ZNF774: variants seen among roughly 807,000 people sequenced by gnomAD.
ZNF774 encodes zinc finger protein 774.
A neutral mutation model predicts 11.1 loss-of-function variants in ZNF774; 14 were observed. The observed-to-expected ratio is 1.26, with a 90% CI of 0.83 to 1.97. The LOEUF is 1.97. ZNF774 is among the 30% of genes most tolerant of loss of function. The pLI, the probability that ZNF774 is intolerant of heterozygous loss-of-function variation, is 0.00. For synonymous variants in ZNF774, 195 were observed against 212.6 expected (o/e 0.92, Z 0.72); for missense variants, 599 against 587.0 (o/e 1.02, Z -0.21).
In ZNF774 at chr15:90,362,609, T is replaced by G. The variant is rs1356762992; in HGVS notation, c.*1326T>G. 2.0e-6 allele frequency: 3 copies of G among 1,533,386 alleles called. No individual in the cohort carries two copies. The East Asian group carries it at 7.3e-5, about 37-fold the overall frequency. The allele number at this position is 1,533,386 out of a possible 1,614,324, so 95.0% of individuals were successfully genotyped here. A position where few individuals can be genotyped will look rare whatever the true frequency, so the allele number is the denominator to read the frequency against. ...TTGAAATAAATTGAGGGACGGCAAG[T>G]GTGTTGGAAAGAACACCGACTTCAT... On this transcript the variant is annotated 3_prime_UTR_variant, in exon 4 of 4. Transcript: ENST00000354377.
At position 90,361,994 on chromosome 15, in the gene ZNF774, C is replaced by G. The variant is rs1417323087; in HGVS notation, c.*711C>G. Reference sequence around the variant, plus strand: ...TTATATAAAGGCTTTAATGCAGTACCTGGCCCTTAAAAGACACTCAGTACA... The same window carrying G: ...TTATATAAAGGCTTTAATGCAGTACGTGGCCCTTAAAAGACACTCAGTACA... On this transcript the variant is annotated 3_prime_UTR_variant, in exon 4 of 4. Coordinates refer to ENST00000354377, the MANE Select transcript of ZNF774 (RefSeq NM_001004309.3). The G allele has an allele frequency of 6.4e-6, 1 of 155,418 alleles. No individual in the cohort carries two copies. Among genetic ancestry groups the G allele is most frequent in the Non-Finnish European group, 1.4e-5 (1 of 69,948 alleles). The allele number at this position is 155,418 out of a possible 1,614,324, so 9.6% of individuals were successfully genotyped here.
In ZNF774 at chr15:90,362,705, C is replaced by G; in HGVS notation, c.*1422C>G. ...CCAGACTTTCATCTTCTCCCAGCCT[C>G]AAGTTTTACCTACCTCACAAGGTTG... On this transcript the variant is annotated 3_prime_UTR_variant, in exon 4 of 4. Transcript: ENST00000354377. 3.7e-6 allele frequency: 3 copies of G among 812,898 alleles called. No homozygotes were observed. The highest frequency in any genetic ancestry group is 6.1e-6 in the Non-Finnish European group (3 of 493,600). The allele number at this position is 812,898 out of a possible 1,614,324, so 50.4% of individuals were successfully genotyped here.
In ZNF774 at chr15:90,360,592, A is replaced by G; in HGVS notation, c.761A>G (p.Gln254Arg). 1 of 1,612,990 alleles carries G rather than the reference A, an allele frequency of 6.2e-7. No homozygotes were observed. The highest frequency in any genetic ancestry group is 8.5e-7 in the Non-Finnish European group (1 of 1,179,706). The change falls in exon 4 of 4, where the codon CAA becomes CGA. Residue 254 changes from glutamine to arginine, a missense_variant. Gln to Arg is a conservative substitution (Grantham distance 43). Coordinates refer to ENST00000354377, the MANE Select transcript of ZNF774 (RefSeq NM_001004309.3). ...FGRKPHLIMHQRTHTGEKPYA... is the reference protein window; with the variant it reads ...FGRKPHLIMHRRTHTGEKPYA... ...CGGAAGCCACACCTCATAATGCACCAAAGAACCCACACAGGCGAGAAGCCC... is the reference window on the plus strand; with the variant it reads ...CGGAAGCCACACCTCATAATGCACCGAAGAACCCACACAGGCGAGAAGCCC...
intron 2 of ZNF774, among the ~76,000 whole-genome samples, chr15:90,355,675 A>G (rs78560305): frequency 0.23 from 32,411 of 139,398 alleles, 4,018 homozygotes; most frequent in African/African-American, 0.34. Flanking sequence ...GTGAGCTGAG[A>G]CCACGCCATT....
At chr15:90,353,688 T>C (rs1366704224) in intron 1 of ZNF774, among the ~76,000 whole-genome samples, 1 of 151,794 alleles carries the variant, frequency 6.6e-6, no homozygotes, top group Non-Finnish European at 1.5e-5. Context: ...CTGGAACTCC[T>C]GGGCTGAAGT....
Position 90,361,101 on chromosome 15 carries a change from A to G in ZNF774, c.1270A>G (p.Ile424Val), listed in dbSNP as rs1180860797. 2 of 1,614,196 alleles carry G rather than the reference A, an allele frequency of 1.2e-6. No individual in the cohort carries two copies. Among genetic ancestry groups the G allele is most frequent in the East Asian group, 4.5e-5 (2 of 44,880 alleles). The change falls in exon 4 of 4, where the codon ATC (isoleucine) becomes GTC (valine). Residue 424 changes from isoleucine (I) to valine (V), a missense_variant. By Grantham distance (29) the Ile-to-Val change is conservative. Coordinates refer to ENST00000354377, the MANE Select transcript of ZNF774 (RefSeq NM_001004309.3). ...QSSHFITHQR[I>V]HLGDRPYRCP... is the part of the protein sequence containing the mutation. ...CTCCCACTTTATTACCCATCAGCGA[A>G]TCCACTTAGGAGACAGGCCCTATCG... is the stretch of plus-strand genomic sequence containing the variant.
rs1261032517 is a variant in ZNF774, at chr15:90,360,660, A to T, written c.829A>T (p.Asn277Tyr). The change falls in exon 4 of 4, where the codon AAT becomes TAT. Residue 277 changes from asparagine to tyrosine, a missense_variant. Coordinates refer to ENST00000354377, the MANE Select transcript of ZNF774 (RefSeq NM_001004309.3). The stretch of plus-strand genomic sequence containing the variant: ...TCACAAAAGCTTCAGTCGAAGCTCA[A>T]ATTTCATCACTCACCAGAGGACCCA... The part of the protein sequence containing the change: ...ECHKSFSRSS[N>Y]FITHQRTHTG... 1.2e-6 allele frequency: 2 copies of T among 1,614,026 alleles called. No individual in the cohort carries two copies. Among genetic ancestry groups the T allele is most frequent in the Admixed American group, 3.3e-5 (2 of 59,988 alleles).
chr15:90,358,118 C>A (rs1964273057), intron 2 of ZNF774, among the ~76,000 whole-genome samples: 1 of 151,916 alleles, frequency 6.6e-6, no homozygotes, highest in Non-Finnish European at 1.5e-5. Flanking sequence ...AAACTCCTGA[C>A]CTCGTAATCC....
intron 2 of ZNF774, among the ~76,000 whole-genome samples, chr15:90,356,040 ATAAAT>A (rs1567100700): frequency 3.6e-4 from 33 of 91,420 alleles, no homozygotes; most frequent in East Asian, 1.5e-3. Context: ...AAAAAAAAAA[ATAAAT>A]AAAAAAAACC....
Position 90,362,529 on chromosome 15 carries a change from T to C in ZNF774, c.*1246T>C, listed in dbSNP as rs1233458161. ...CCATTTAGTTTTAGGTTAATATAAT[T>C]CTCTGATCCTTTTAGGGCCATCCAG... On this transcript the variant is annotated 3_prime_UTR_variant, in exon 4 of 4. Coordinates refer to ENST00000354377, the MANE Select transcript of ZNF774 (RefSeq NM_001004309.3). The C allele has an allele frequency of 6.5e-7, 1 of 1,535,592 alleles. No individual in the cohort carries two copies. Among genetic ancestry groups the C allele is most frequent in the East Asian group, 2.4e-5 (1 of 40,918 alleles).
chr15:90,361,261 A>G lies in ZNF774; in HGVS notation c.1430A>G (p.His477Arg), dbSNP rs1233464584. The stretch of plus-strand genomic sequence containing the variant: ...CGTCAGAAAGCGCATCTTTTATGCC[A>G]TCAAAACACCCATTTGATTTAGGAA... The part of the protein sequence containing the change: ...SFRQKAHLLC[H>R]QNTHLI The change falls in exon 4 of 4, where the codon CAT becomes CGT. Residue 477 changes from histidine (H) to arginine (R), a missense_variant. By Grantham distance (29) the His-to-Arg change is conservative. Transcript: ENST00000354377. 6.2e-7 allele frequency: 1 copy of G among 1,605,274 alleles called. No individual in the cohort carries two copies. The highest frequency in any genetic ancestry group is 8.5e-7 in the Non-Finnish European group (1 of 1,174,934).
intron 3 of ZNF774, 104 bp downstream of exon 3, chr15:90,359,061 ATTTTTT>A: frequency 2.4e-4 from 97 of 396,720 alleles, no homozygotes; most frequent in Middle Eastern, 1.4e-3. Flanking sequence ...ACTAGCAGAC[ATTTTTT>A]TTTTTTTTTT....
At chr15:90,355,790 G>A (rs1273558383) in intron 2 of ZNF774, among the ~76,000 whole-genome samples, 1 of 149,420 alleles carries the variant, frequency 6.7e-6, no homozygotes, top group Non-Finnish European at 1.5e-5. Flanking sequence ...CAGCACTTTG[G>A]GAGGCCAAGG....
intron 1 of ZNF774, among the ~76,000 whole-genome samples, chr15:90,353,008 C>T (rs754708629): frequency 1.3e-5 from 2 of 151,850 alleles, no homozygotes; most frequent in Admixed American, 6.6e-5. Context: ...GCTCTTGTTG[C>T]CCAGGCTGGA....
intron 2 of ZNF774, among the ~76,000 whole-genome samples, chr15:90,357,310 C>T (rs949016769): frequency 6.6e-6 from 1 of 152,002 alleles, no homozygotes; most frequent in Admixed American, 6.6e-5. Context: ...AGTTCCAGAC[C>T]AGCCTGGGCA....
Position 90,361,541 on chromosome 15 carries a change from G to A in ZNF774, c.*258G>A, listed in dbSNP as rs1964337944. ...TAATAGTTGATGCCCGCCAGGCGTG[G>A]TGGCTCACCCCTGTAATCCCAGCAC... On this transcript the variant is annotated 3_prime_UTR_variant, in exon 4 of 4. Transcript: ENST00000354377. 2.5e-6 allele frequency: 3 copies of A among 1,186,972 alleles called. No homozygotes were observed. In the South Asian group the frequency reaches 8.0e-5, roughly 32 times the overall value. The allele number at this position is 1,186,972 out of a possible 1,614,324, so 73.5% of individuals were successfully genotyped here.
intron 1 of ZNF774, among the ~76,000 whole-genome samples, chr15:90,352,758 G>T (rs542865905): frequency 1.3e-5 from 2 of 151,778 alleles, no homozygotes; most frequent in South Asian, 2.1e-4. Context: ...CCCGGTGAAC[G>T]CACTGGAGCT....
chr15:90,354,725 A>AGGCCGGGCGCG lies in ZNF774; in HGVS notation c.65_66insGGCCGGGCGCG (p.Cys23AlafsTer10). On this transcript the variant is annotated frameshift_variant, in exon 2 of 4. Coordinates refer to ENST00000354377, the MANE Select transcript of ZNF774 (RefSeq NM_001004309.3). LOFTEE classifies it high-confidence loss of function. ...CACTGCTTAGAGAATCCTCTCCAGG[A>AGGCCGGGCGCG]ATGCCACCCAGCACAGTTAGAAGAA... The AGGCCGGGCGCG allele has an allele frequency of 6.2e-7, 1 of 1,612,616 alleles. No individual in the cohort carries two copies. The highest frequency in any genetic ancestry group is 8.5e-7 in the Non-Finnish European group (1 of 1,179,396).
chr15:90,356,213 G>A (rs1308801776), intron 2 of ZNF774, among the ~76,000 whole-genome samples: 2 of 150,162 alleles, frequency 1.3e-5, no homozygotes, highest in South Asian at 2.1e-4. Context: ...CTGCCTCCTA[G>A]GTTCAAGCGA....
Sources: gnomAD v4.1 joint callset for allele counts (sites outside exome capture counted in the v4.1 genomes callset) on GRCh38, gnomAD v4.1.1 for gene constraint, MANE v1.5 for transcripts, NCBI Gene and HGNC (gene_info 2026-07-23, HGNC 2026-07-21) for gene names.